CSGALNACT1: variants seen among roughly 807,000 people sequenced by gnomAD.
CSGALNACT1 encodes the protein beta4GalNAcT-1.
CSGALNACT1 carries 52 observed loss-of-function variants against 51.0 expected under a neutral mutation model. The observed-to-expected ratio is 1.02, with a 90% CI of 0.82 to 1.29. CSGALNACT1 has a LOEUF of 1.29. Ranked by LOEUF, CSGALNACT1 falls within the 50% of genes most tolerant of loss-of-function variation. The pLI, the probability that CSGALNACT1 is intolerant of heterozygous loss-of-function variation, is 0.00. For synonymous variants in CSGALNACT1, 341 were observed against 254.4 expected, an observed-to-expected ratio of 1.34 and a Z score of -3.24; for missense variants, 935 against 679.2, an observed-to-expected ratio of 1.38 and a Z score of -4.19.
At chr8:19,461,801 GTATCCC>G (rs2065557078) in intron 4 of CSGALNACT1, among the ~76,000 whole-genome samples, 3 of 46,690 alleles carry the variant, frequency 6.4e-5, no homozygotes, top group African/African-American at 1.5e-4. Context: ...CATGGAGGGC[GTATCCC>G]CACAGCAGCC....
chr8:19,521,692 G>A (rs114149886), intron 3 of CSGALNACT1, among the ~76,000 whole-genome samples: 289 of 152,264 alleles, frequency 1.9e-3, no homozygotes, highest in African/African-American at 6.5e-3. Context: ...GAAGAATAGC[G>A]CCAGGGTTTA....
intron 6 of CSGALNACT1, among the ~76,000 whole-genome samples, chr8:19,421,392 C>T (rs1040343603): frequency 6.6e-6 from 1 of 152,250 alleles, no homozygotes; most frequent in Non-Finnish European, 1.5e-5. Flanking sequence ...CTTAAGCTAA[C>T]GTTCCACGAA....
At chr8:19,701,153 GT>G (rs767074945) in intron 1 of CSGALNACT1, among the ~76,000 whole-genome samples, 155 of 93,276 alleles carry the variant, frequency 1.7e-3, no homozygotes, top group African/African-American at 3.8e-3. Context: ...TCTATTATCC[GT>G]TTTTTTTTTT....
At chr8:19,683,135 T>G (rs975189821), upstream of CSGALNACT1, 1 of 213,170 alleles carries the variant, frequency 4.7e-6, no homozygotes, top group Admixed American at 5.2e-5. Flanking sequence ...GGTGTTAGGA[T>G]TTGATCTGTG....
At chr8:19,571,893 A>T (rs1017217481) in intron 3 of CSGALNACT1, among the ~76,000 whole-genome samples, 5 of 152,212 alleles carry the variant, frequency 3.3e-5, no homozygotes, top group Admixed American at 3.3e-4. Flanking sequence ...AGTTTTCTGT[A>T]GGGCCTACAA....
chr8:19,462,205 G>A (rs1009252391), intron 4 of CSGALNACT1, among the ~76,000 whole-genome samples: 3 of 152,328 alleles, frequency 2.0e-5, no homozygotes, highest in Middle Eastern at 3.4e-3. Context: ...ACTGAAACAG[G>A]TCTCCCCGTG....
intron 3 of CSGALNACT1, among the ~76,000 whole-genome samples, chr8:19,532,889 T>A (rs1403717129): frequency 6.6e-6 from 1 of 152,202 alleles, no homozygotes; most frequent in East Asian, 1.9e-4. Context: ...AACAAGCTGC[T>A]TATCCACCGG....
At chr8:19,525,873 G>A (rs1412333615) in intron 3 of CSGALNACT1, among the ~76,000 whole-genome samples, 1 of 152,014 alleles carries the variant, frequency 6.6e-6, no homozygotes, top group African/African-American at 2.4e-5. Flanking sequence ...TGCTCCCTGA[G>A]GGATTACTGC....
At chr8:19,663,114 G>C (rs1350120495) in intron 1 of CSGALNACT1, among the ~76,000 whole-genome samples, 1 of 152,124 alleles carries the variant, frequency 6.6e-6, no homozygotes, top group Non-Finnish European at 1.5e-5. Context: ...CAATGCCCCA[G>C]ATCCCTTTGT....
At chr8:19,533,562 A>G (rs1232943804) in intron 3 of CSGALNACT1, among the ~76,000 whole-genome samples, 3 of 152,160 alleles carry the variant, frequency 2.0e-5, no homozygotes, top group Non-Finnish European at 2.9e-5. Flanking sequence ...TTGGTCTTCA[A>G]GCACTAGAGT....
intron 4 of CSGALNACT1, among the ~76,000 whole-genome samples, chr8:19,472,433 A>T (rs2068411676): frequency 6.6e-6 from 1 of 152,234 alleles, no homozygotes; most frequent in African/African-American, 2.4e-5. Context: ...AGTCTAACTG[A>T]AATTTCCATC....
upstream of CSGALNACT1, chr8:19,683,349 T>C (rs1226296716): frequency 6.6e-6 from 1 of 152,182 alleles, no homozygotes; most frequent in Non-Finnish European, 1.5e-5. Context: ...TATCAGGATC[T>C]TGGTCATGAG....
At chr8:19,733,604 G>A (rs1252686525) in intron 1 of CSGALNACT1, among the ~76,000 whole-genome samples, 1 of 152,042 alleles carries the variant, frequency 6.6e-6, no homozygotes, top group Non-Finnish European at 1.5e-5. Context: ...GGTAACAAAG[G>A]CAATGCACAA....
chr8:19,679,097 A>C (rs73216622), intron 1 of CSGALNACT1, among the ~76,000 whole-genome samples: 3,071 of 152,296 alleles, frequency 0.02, 51 homozygotes, highest in South Asian at 0.047. Flanking sequence ...AAACTTTCAT[A>C]ATTATTCTAT....
chr8:19,713,738 C>T (rs1407367373), intron 1 of CSGALNACT1, among the ~76,000 whole-genome samples: 1 of 152,180 alleles, frequency 6.6e-6, no homozygotes, highest in Non-Finnish European at 1.5e-5. Flanking sequence ...GAGGGGATCT[C>T]GCCCTGAGGA....
intron 4 of CSGALNACT1, among the ~76,000 whole-genome samples, chr8:19,462,987 T>C (rs1394309747): frequency 6.6e-6 from 1 of 152,202 alleles, no homozygotes; most frequent in East Asian, 1.9e-4. Context: ...CTCTCCACCC[T>C]GAGTTAGGCC....
intron 1 of CSGALNACT1, among the ~76,000 whole-genome samples, chr8:19,755,648 A>G (rs1054512779): frequency 6.6e-6 from 1 of 152,100 alleles, no homozygotes; most frequent in South Asian, 2.1e-4. Flanking sequence ...AGGTCATGCA[A>G]TTAATAAGTG....
At chr8:19,455,456 T>C (rs2063908413) in intron 5 of CSGALNACT1, among the ~76,000 whole-genome samples, 1 of 152,226 alleles carries the variant, frequency 6.6e-6, no homozygotes, top group Non-Finnish European at 1.5e-5. Context: ...CCAGTAACTT[T>C]ATGGTCATGT....
intron 1 of CSGALNACT1, among the ~76,000 whole-genome samples, chr8:19,755,373 G>A (rs1492633): frequency 0.22 from 32,779 of 146,194 alleles, 3,615 homozygotes; most frequent in East Asian, 0.29. Flanking sequence ...AGAAAGTAGG[G>A]TTACAAAGAA....
Sources: allele counts gnomAD v4.1 joint callset (sites outside exome capture counted in the v4.1 genomes callset), GRCh38; gene constraint gnomAD v4.1.1; transcripts MANE v1.5; gene names NCBI Gene and HGNC (gene_info 2026-07-23, HGNC 2026-07-21).